MBTPS1: variants seen among roughly 807,000 people sequenced by gnomAD.
The protein encoded by MBTPS1 is membrane-bound transcription factor site-1 protease.
Under a neutral mutation model 127.8 loss-of-function variants are expected in MBTPS1, and 94 were observed. The observed-to-expected ratio is 0.74, with a 90% CI of 0.62 to 0.87. The LOEUF (loss-of-function observed/expected upper bound fraction) is 0.87. Among genes scored for constraint, MBTPS1 ranks in the 40% least tolerant of loss-of-function variants. The pLI is 0.00. For synonymous variants in MBTPS1, 632 were observed against 509.4 expected (o/e 1.24, Z -3.24); for missense variants, 1,636 against 1,353.2 (o/e 1.21, Z -3.28).
In MBTPS1 at chr16:84,095,592, T is replaced by G. The variant is rs542361477; in HGVS notation, c.625+10A>C. 1 of 1,613,182 alleles carries G rather than the reference T, an allele frequency of 6.2e-7. No homozygotes were observed. Among genetic ancestry groups the G allele is most frequent in the South Asian group, 1.1e-5 (1 of 91,060 alleles). On this transcript the variant is annotated intron_variant, in intron 4 of 22. Coordinates refer to ENST00000343411, the MANE Select transcript of MBTPS1 (RefSeq NM_003791.4). ...TCCCATAAGCACCTTCCCTGGGTAA[T>G]AGCACACACCTGTATATCCCATCTG...
chr16:84,060,762 G>A lies in MBTPS1; in HGVS notation c.2624C>T (p.Thr875Ile), dbSNP rs528947771. The change falls in exon 20 of 23, where the codon ACA becomes ATA. Residue 875 changes from threonine to isoleucine, a missense_variant. Thr to Ile is a moderately conservative substitution (Grantham distance 89, BLOSUM62 -1). Coordinates refer to ENST00000343411, the MANE Select transcript of MBTPS1 (RefSeq NM_003791.4). Reference sequence around the variant, plus strand: ...CCCAGAGTGACTGAGGCTAGGCGGTGTCACCCCATACGATGTGTACTGGAG... The same window carrying A: ...CCCAGAGTGACTGAGGCTAGGCGGTATCACCCCATACGATGTGTACTGGAG... ...ALLQYTSYGV[T>I]PPSLSHSGNR... 3.7e-6 allele frequency: 6 copies of A among 1,608,888 alleles called. No individual in the cohort carries two copies. The South Asian group carries it at 5.6e-5, about 15-fold the overall frequency.
At chr16:84,054,746 A>C in intron 22 of MBTPS1, 101 bp from the exon 23 acceptor site, 3 of 871,176 alleles carry the variant, frequency 3.4e-6, no homozygotes, top group South Asian at 2.0e-5. Flanking sequence ...AATGCGAGCT[A>C]ATTTCACTAG....
At chr16:84,095,848 G>A (rs777845417) in intron 3 of MBTPS1, 43 bp from the exon 4 acceptor site, 30 of 1,524,914 alleles carry the variant, frequency 2.0e-5, no homozygotes, top group Non-Finnish European at 2.4e-5. Context: ...AGAGCAAAAC[G>A]AACTACACGA....
Position 84,085,083 on chromosome 16 carries a change from C to A in MBTPS1, c.1186G>T (p.Ala396Ser). ...TTCACGCCAGAACCCCGCACGCCAG[C>A]ACCATAGGTGACAATGTCAGGTTTC... ...RMKPDIVTYG[A>S]GVRGSGVKGG... The change falls in exon 10 of 23, where the codon GCT (alanine) becomes TCT (serine). Residue 396 changes from alanine to serine, a missense_variant. Transcript: ENST00000343411. 1 of 1,614,222 alleles carries A rather than the reference C, an allele frequency of 6.2e-7. No individual in the cohort carries two copies.
intron 10 of MBTPS1, 175 bp from the exon 11 acceptor site, chr16:84,082,083 C>G: frequency 2.4e-6 from 1 of 424,362 alleles, no homozygotes; most frequent in Non-Finnish European, 4.1e-6. Context: ...ATCTCTGTAC[C>G]CAATCCAGGA....
At chr16:84,083,896 G>A (rs1206765854) in intron 10 of MBTPS1, among the ~76,000 whole-genome samples, 1 of 152,078 alleles carries the variant, frequency 6.6e-6, no homozygotes, top group African/African-American at 2.4e-5. Flanking sequence ...AAAGAAACAC[G>A]GGCCACCGAT....
intron 11 of MBTPS1, among the ~76,000 whole-genome samples, chr16:84,078,124 G>A (rs1232987091): frequency 6.6e-6 from 1 of 152,130 alleles, no homozygotes; most frequent in Non-Finnish European, 1.5e-5. Flanking sequence ...AATACCAAAA[G>A]GCACAACCCT....
chr16:84,054,429 AC>A lies in MBTPS1; in HGVS notation c.*19del, dbSNP rs760955219. ...TCCGTGAAGGCTCTCTCTGGCCCTC[AC>A]GGTCAGCCAGGCTGCCGGTCACACC... is the stretch of plus-strand genomic sequence containing the variant. On this transcript the variant is annotated 3_prime_UTR_variant, in exon 23 of 23. Coordinates refer to ENST00000343411, the MANE Select transcript of MBTPS1 (RefSeq NM_003791.4). 116 of 1,574,994 alleles carry A rather than the reference AC, an allele frequency of 7.4e-5. No individual in the cohort carries two copies. Among genetic ancestry groups the A allele is most frequent in the Non-Finnish European group, 9.3e-5 (108 of 1,158,652 alleles).
At position 84,054,414 on chromosome 16, in the gene MBTPS1, C is replaced by T. The variant is rs753212796; in HGVS notation, c.*35G>A. 11 of 1,544,390 alleles carry T rather than the reference C, an allele frequency of 7.1e-6. No individual in the cohort carries two copies. In the South Asian group the frequency reaches 1.2e-4, roughly 17 times the overall value. On this transcript the variant is annotated 3_prime_UTR_variant, in exon 23 of 23. Coordinates refer to ENST00000343411, the MANE Select transcript of MBTPS1 (RefSeq NM_003791.4). Reference sequence around the variant, plus strand: ...CACCCACCAGCGCCGTCCGTGAAGGCTCTCTCTGGCCCTCACGGTCAGCCA... The same window carrying T: ...CACCCACCAGCGCCGTCCGTGAAGGTTCTCTCTGGCCCTCACGGTCAGCCA...
intron 10 of MBTPS1, among the ~76,000 whole-genome samples, chr16:84,082,826 C>T (rs1183358109): frequency 6.6e-6 from 1 of 152,146 alleles, no homozygotes; most frequent in Non-Finnish European, 1.5e-5. Flanking sequence ...CCTCCTCTTC[C>T]TGCCTATAAA....
chr16:84,109,002 G>A (rs2086362970), intron 1 of MBTPS1, among the ~76,000 whole-genome samples: 1 of 152,216 alleles, frequency 6.6e-6, no homozygotes, highest in South Asian at 2.1e-4. Flanking sequence ...CTAAGTGCAC[G>A]TGTACGTGCT....
rs114784438 is a variant in MBTPS1 at position 84,105,845 on chromosome 16, C to A, written c.-324-3738G>T. Among the ~76,000 whole-genome samples the A allele has an allele frequency of 9.0e-3, 1,372 of 152,222 alleles. 23 individuals are homozygous for A. The highest frequency in any genetic ancestry group is 0.031 in the African/African-American group (1,280 of 41,508). On this transcript the variant is annotated intron_variant, in intron 1 of 22. Transcript: ENST00000343411. ...TCATCTAGTGAGAAACTACTAAAAG[C>A]CAGGCACTGTTCTAGGAGTAGGGAT...
chr16:84,106,769 T>A (rs1230026742), intron 1 of MBTPS1, among the ~76,000 whole-genome samples: 1 of 152,162 alleles, frequency 6.6e-6, no homozygotes, highest in Non-Finnish European at 1.5e-5. Context: ...TCTGGAGGAC[T>A]TCCGTACAAG....
In MBTPS1 at chr16:84,054,600, G is replaced by T. The variant is rs1396244456; in HGVS notation, c.3008C>A (p.Pro1003His). ...CATGGCTCCCAGGAAGGCAAAGACAGGAATGGTCTGGCCCACCTCCTGGTT... is the reference window on the plus strand; with the variant it reads ...CATGGCTCCCAGGAAGGCAAAGACATGAATGGTCTGGCCCACCTCCTGGTT... ...RYNQEVGQTI[P>H]VFAFLGAMVV... is the part of the protein sequence containing the mutation. Residue 1003 changes from proline (P) to histidine (H), a missense_variant, in exon 23 of 23, where the codon CCT becomes CAT. By Grantham distance (77) the Pro-to-His change is moderately conservative. Coordinates refer to ENST00000343411, the MANE Select transcript of MBTPS1 (RefSeq NM_003791.4). The T allele has an allele frequency of 1.1e-5, 18 of 1,613,198 alleles. No homozygotes were observed. The highest frequency in any genetic ancestry group is 1.5e-5 in the Non-Finnish European group (18 of 1,179,528).
At chr16:84,074,537 G>A in intron 12 of MBTPS1, 60 bp downstream of exon 12, 1 of 1,558,836 alleles carries the variant, frequency 6.4e-7, no homozygotes, top group Non-Finnish European at 8.8e-7. Flanking sequence ...ATGGCCTAAA[G>A]GTCTGGGCTG....
chr16:84,093,381 G>C (rs571891600), intron 5 of MBTPS1, 84 bp from the exon 6 acceptor site: 1 of 931,488 alleles, frequency 1.1e-6, no homozygotes. Flanking sequence ...TGAGTTCCAC[G>C]GCCTTCCATT....
At chr16:84,108,210 G>C (rs1217337073) in intron 1 of MBTPS1, among the ~76,000 whole-genome samples, 1 of 152,002 alleles carries the variant, frequency 6.6e-6, no homozygotes, top group South Asian at 2.1e-4. Context: ...AGCAGCAGCA[G>C]GACAGGCAGA....
Position 84,063,351 on chromosome 16 carries a change from T to C in MBTPS1, c.2526A>G (p.Val842=). The C allele has an allele frequency of 6.2e-7, 1 of 1,614,144 alleles. No individual in the cohort carries two copies. The highest frequency in any genetic ancestry group is 8.5e-7 in the Non-Finnish European group (1 of 1,180,002). Residue 842 remains valine (V), a synonymous_variant, in exon 19 of 23, where the codon GTA becomes GTG. Transcript: ENST00000343411. Reference sequence around the variant, plus strand: ...CCAAGCAATTGGAGTCCCCATACAGTACAATCCGGCCTCCACCCTCAGCTG... The same window carrying C: ...CCAAGCAATTGGAGTCCCCATACAGCACAATCCGGCCTCCACCCTCAGCTG... The part of the protein sequence containing the change: ...QIPAEGGGRI[V]LYGDSNCLDD...
chr16:84,066,703 C>T lies in MBTPS1; in HGVS notation c.2229-90G>A, dbSNP rs2085689219. 3 of 1,302,238 alleles carry T rather than the reference C, an allele frequency of 2.3e-6. No individual in the cohort carries two copies. The Admixed American group carries it at 5.8e-5, about 25-fold the overall frequency. 80.7% of individuals were successfully genotyped at this position (1,302,238 alleles called of 1,614,324 possible). A position where few individuals can be genotyped will look rare whatever the true frequency, so the allele number is the denominator to read the frequency against. On this transcript the variant is annotated intron_variant, in intron 16 of 22. Transcript: ENST00000343411. ...GTCTCTGTGACAAAACTCAATTTCT[C>T]CTGCCACAATCCAGTCCTTCCACAC...
Sources: allele counts gnomAD v4.1 joint callset (sites outside exome capture counted in the v4.1 genomes callset), GRCh38; gene constraint gnomAD v4.1.1; transcripts MANE v1.5; gene names NCBI Gene and HGNC (gene_info 2026-07-23, HGNC 2026-07-21).